Variants in CMC1 observed in about 807,000 individuals in gnomAD.
CMC1 encodes C-X9-C motif containing 1.
In CMC1, 14 loss-of-function variants were observed where a neutral mutation model predicts 14.1. The observed-to-expected ratio is 0.99, with a 90% CI of 0.66 to 1.55. The LOEUF (loss-of-function observed/expected upper bound fraction) is 1.55. Ranked by LOEUF, CMC1 falls within the 40% of genes most tolerant of loss-of-function variation. CMC1 has a pLI of 0.00. For missense variants in CMC1, 127 were observed against 123.8 expected (o/e 1.03, Z -0.12); for synonymous variants, 50 against 38.4 (o/e 1.30, Z -1.12).
At chr3:28,298,625 G>A (rs1701870687) in intron 2 of CMC1, among the ~76,000 whole-genome samples, 1 of 151,488 alleles carries the variant, frequency 6.6e-6, no homozygotes, top group Non-Finnish European at 1.5e-5. Flanking sequence ...GAATTTTTGA[G>A]TTTGCTAACA....
intron 1 of CMC1, among the ~76,000 whole-genome samples, chr3:28,258,506 G>A (rs1313848370): frequency 7.0e-6 from 1 of 142,978 alleles, no homozygotes; most frequent in African/African-American, 2.6e-5. Flanking sequence ...TTTTTTCCAT[G>A]TTAATACGGT....
intron 2 of CMC1, among the ~76,000 whole-genome samples, chr3:28,307,144 AAG>A (rs1290128947): frequency 1.3e-5 from 2 of 152,208 alleles, no homozygotes; most frequent in African/African-American, 2.4e-5. Context: ...TAAAAGATGA[AAG>A]AGTACTGCGT....
intron 2 of CMC1, among the ~76,000 whole-genome samples, chr3:28,287,549 A>T (rs1701248982): frequency 6.6e-6 from 1 of 152,140 alleles, no homozygotes; most frequent in Non-Finnish European, 1.5e-5. Context: ...AGATATTTAC[A>T]TGTTTTAAAT....
At chr3:28,280,159 CTT>C (rs544547580) in intron 2 of CMC1, among the ~76,000 whole-genome samples, 296 of 152,244 alleles carry the variant, frequency 1.9e-3, no homozygotes, top group African/African-American at 6.7e-3. Context: ...AGTGTATACT[CTT>C]TTAATATTAT....
chr3:28,264,150 A>G (rs991378409), intron 2 of CMC1, among the ~76,000 whole-genome samples: 22 of 152,250 alleles, frequency 1.4e-4, no homozygotes, highest in African/African-American at 5.1e-4. Context: ...GAAGTAATAA[A>G]CTTTTATGGG....
chr3:28,271,918 C>A (rs544965800), intron 2 of CMC1, among the ~76,000 whole-genome samples: 1 of 152,124 alleles, frequency 6.6e-6, no homozygotes, highest in Admixed American at 6.5e-5. Flanking sequence ...GCTTGTAGTT[C>A]TCCTTGAAGA....
chr3:28,258,117 TGTCCATTC>T (rs1224833975), intron 1 of CMC1, among the ~76,000 whole-genome samples: 4 of 148,302 alleles, frequency 2.7e-5, no homozygotes, highest in African/African-American at 1.0e-4. Context: ...TTTTGTGATG[TGTCCATTC>T]AAGCCTTTTG....
chr3:28,319,193 G>C, intron 3 of CMC1: 1 of 461,840 alleles, frequency 2.2e-6, no homozygotes, highest in South Asian at 1.6e-5. Flanking sequence ...ATGGTGCACT[G>C]GGCCATACCT....
At chr3:28,311,507 C>A (rs2125601708) in intron 2 of CMC1, among the ~76,000 whole-genome samples, 1 of 152,236 alleles carries the variant, frequency 6.6e-6, no homozygotes, top group South Asian at 2.1e-4. Context: ...GCTGAGCAGT[C>A]ATTAGAAAGA....
At chr3:28,302,299 G>C (rs1702093680) in intron 2 of CMC1, among the ~76,000 whole-genome samples, 1 of 152,168 alleles carries the variant, frequency 6.6e-6, no homozygotes, top group Non-Finnish European at 1.5e-5. Flanking sequence ...AGAAATCCTA[G>C]AAGGCTCCAT....
At chr3:28,300,031 A>G (rs890032627) in intron 2 of CMC1, among the ~76,000 whole-genome samples, 1 of 152,196 alleles carries the variant, frequency 6.6e-6, no homozygotes, top group Admixed American at 6.5e-5. Context: ...CTTGTTAACT[A>G]TGGATACTAT....
intron 2 of CMC1, among the ~76,000 whole-genome samples, chr3:28,295,858 A>G (rs1327018106): frequency 6.6e-6 from 1 of 152,070 alleles, no homozygotes; most frequent in African/African-American, 2.4e-5. Flanking sequence ...TGGATATGGA[A>G]CCCACAGATA....
At chr3:28,299,006 A>G (rs1701888805) in intron 2 of CMC1, among the ~76,000 whole-genome samples, 1 of 152,086 alleles carries the variant, frequency 6.6e-6, no homozygotes, top group African/African-American at 2.4e-5. Context: ...ATCAGTCTCT[A>G]ATAAAACTGT....
At chr3:28,308,598 A>T (rs1011216413) in intron 2 of CMC1, among the ~76,000 whole-genome samples, 5 of 152,208 alleles carry the variant, frequency 3.3e-5, no homozygotes, top group African/African-American at 4.8e-5. Flanking sequence ...TTATTGTATT[A>T]AAAATATGTC....
chr3:28,323,899 T>C lies in CMC1; in HGVS notation c.*4270T>C, dbSNP rs995692255. On this transcript the variant is annotated 3_prime_UTR_variant, in exon 4 of 4. Coordinates refer to ENST00000466830, the MANE Select transcript of CMC1 (RefSeq NM_182523.2). ...ACCAACTATGTTGGTTTTTGTACTA[T>C]TGTACAGTGTGTTCAAATATAGATA... 1.8e-5 allele frequency: 17 copies of C among 919,310 alleles called. No homozygotes were observed. The highest frequency in any genetic ancestry group is 2.8e-5 in the Non-Finnish European group (17 of 615,332). The allele number at this position is 919,310 out of a possible 1,614,324, so 56.9% of individuals were successfully genotyped here.
intron 1 of CMC1, among the ~76,000 whole-genome samples, chr3:28,243,545 C>T (rs1343309851): frequency 1.3e-5 from 2 of 152,236 alleles, no homozygotes; most frequent in African/African-American, 2.4e-5. Flanking sequence ...TAAGCCACTC[C>T]AATCTTGTGT....
At chr3:28,315,532 T>C (rs1363315289) in intron 2 of CMC1, among the ~76,000 whole-genome samples, 1 of 152,124 alleles carries the variant, frequency 6.6e-6, no homozygotes, top group Admixed American at 6.5e-5. Context: ...CGGCTTTTGT[T>C]GCCAGGTACT....
At chr3:28,283,167 G>A (rs1700983102) in intron 2 of CMC1, among the ~76,000 whole-genome samples, 1 of 152,098 alleles carries the variant, frequency 6.6e-6, no homozygotes. Context: ...AAAATATTAG[G>A]TAATTGACTA....
rs548022734 is a variant in CMC1, at chr3:28,280,243, G to A, written c.109+16863G>A. Among the ~76,000 whole-genome samples, 5 of 152,220 alleles carry A rather than the reference G, an allele frequency of 3.3e-5. No individual in the cohort carries two copies. The South Asian group carries it at 6.2e-4, about 19-fold the overall frequency. ...CTTATATGAACAACAGTTGCACTAC[G>A]TGGGAGTGGGACAAGTATTGATTGA... is the stretch of plus-strand genomic sequence containing the variant. On this transcript the variant is annotated intron_variant, in intron 2 of 3. Transcript: ENST00000466830.
Sources: allele counts gnomAD v4.1 joint callset (sites outside exome capture counted in the v4.1 genomes callset), GRCh38; gene constraint gnomAD v4.1.1; transcripts MANE v1.5; gene names NCBI Gene and HGNC (gene_info 2026-07-23, HGNC 2026-07-21).